APBB2: variants seen among roughly 807,000 people sequenced by gnomAD.
The protein encoded by APBB2 is Fe65-like 1.
A neutral mutation model predicts 82.5 loss-of-function variants in APBB2; 38 were observed. The ratio of observed to expected loss-of-function variants is 0.46; its 90% CI spans 0.36 to 0.60. The LOEUF (loss-of-function observed/expected upper bound fraction) is 0.60, where lower values mean the gene tolerates loss of function less well. Among genes scored for constraint, APBB2 ranks in the 20% least tolerant of loss-of-function variants. The pLI, the probability that APBB2 is intolerant of heterozygous loss-of-function variation, is 0.00. For missense variants in APBB2, 772 were observed against 972.3 expected (o/e 0.79, Z 2.74); for synonymous variants, 341 against 368.2 (o/e 0.93, Z 0.85).
At chr4:41,103,416 G>A (rs1325436738) in intron 2 of APBB2, among the ~76,000 whole-genome samples, 3 of 152,080 alleles carry the variant, frequency 2.0e-5, no homozygotes, top group Non-Finnish European at 4.4e-5. Flanking sequence ...CTTTTAAAGA[G>A]TTCAAGATAG....
At chr4:41,045,145 T>C (rs903160513) in intron 4 of APBB2, among the ~76,000 whole-genome samples, 1 of 152,184 alleles carries the variant, frequency 6.6e-6, no homozygotes, top group African/African-American at 2.4e-5. Flanking sequence ...ATGATTTTTT[T>C]TAATTTCTAA....
At chr4:40,966,540 C>T (rs2154396222) in intron 6 of APBB2, among the ~76,000 whole-genome samples, 1 of 152,340 alleles carries the variant, frequency 6.6e-6, no homozygotes, top group South Asian at 2.1e-4. Flanking sequence ...TCTTGGGGGC[C>T]TAGAAAGCCC....
chr4:41,059,053 G>A (rs1728813569), intron 4 of APBB2, among the ~76,000 whole-genome samples: 1 of 151,886 alleles, frequency 6.6e-6, no homozygotes. Flanking sequence ...GAACCCTGGA[G>A]AACAAAGGGT....
At position 40,944,921 on chromosome 4, in the gene APBB2, C is replaced by G. The variant is rs765041440; in HGVS notation, c.988G>C (p.Gly330Arg). The change falls in exon 7 of 18, where the codon GGT becomes CGT. Residue 330 changes from glycine (G) to arginine (R), a missense_variant. Transcript: ENST00000508593. ...RPVSIPADLQ[G>R]SRKGSLSSVT... ...GAACTAAGTGACCCTTTCCTAGAAC[C>G]CTGGAGATCTGCTGGGATGGAGACG... is the stretch of plus-strand genomic sequence containing the variant. 1.2e-6 allele frequency: 2 copies of G among 1,613,548 alleles called. No individual in the cohort carries two copies. Among genetic ancestry groups the G allele is most frequent in the African/African-American group, 1.3e-5 (1 of 74,854 alleles).
chr4:41,113,049 C>A (rs1470467774), intron 2 of APBB2, among the ~76,000 whole-genome samples: 1 of 151,918 alleles, frequency 6.6e-6, no homozygotes, highest in African/African-American at 2.4e-5. Context: ...TTCAGCTCAA[C>A]AGAAAACAAC....
chr4:41,071,257 TAGAA>T (rs772483499), intron 3 of APBB2, among the ~76,000 whole-genome samples: 8 of 152,250 alleles, frequency 5.3e-5, no homozygotes, highest in Non-Finnish European at 1.2e-4. Flanking sequence ...CAATTTTTAA[TAGAA>T]AGGTGATGTA....
chr4:41,091,548 C>A (rs1164457621), intron 3 of APBB2, among the ~76,000 whole-genome samples: 2 of 152,156 alleles, frequency 1.3e-5, no homozygotes, highest in Non-Finnish European at 2.9e-5. Flanking sequence ...TATACTCTTT[C>A]TTGCATCCCT....
At chr4:40,915,753 G>A (rs111235775) in intron 10 of APBB2, among the ~76,000 whole-genome samples, 2,512 of 152,044 alleles carry the variant, frequency 0.017, 82 homozygotes, top group African/African-American at 0.057. Context: ...GCTGACTCCT[G>A]GGATTCTGCA....
At chr4:41,076,409 G>A (rs1451788831) in intron 3 of APBB2, among the ~76,000 whole-genome samples, 1 of 152,102 alleles carries the variant, frequency 6.6e-6, no homozygotes, top group Non-Finnish European at 1.5e-5. Context: ...GAGAAGATCT[G>A]CACTCGGGGA....
At chr4:40,926,537 C>T (rs779674073) in intron 10 of APBB2, among the ~76,000 whole-genome samples, 38 of 152,176 alleles carry the variant, frequency 2.5e-4, no homozygotes, top group Non-Finnish European at 3.8e-4. Context: ...CCTCTGCCTC[C>T]GCCTGCCAGG....
intron 4 of APBB2, among the ~76,000 whole-genome samples, chr4:41,059,334 G>A (rs1728927307): frequency 6.6e-6 from 1 of 152,256 alleles, no homozygotes. Context: ...GGTGGCAGGC[G>A]CCTGTAATCC....
chr4:41,108,053 C>T (rs1195022632), intron 2 of APBB2, among the ~76,000 whole-genome samples: 1 of 152,106 alleles, frequency 6.6e-6, no homozygotes, highest in African/African-American at 2.4e-5. Context: ...TATCCTTGTG[C>T]TTGAGAAATA....
chr4:41,095,810 C>T (rs1473464085), intron 3 of APBB2, among the ~76,000 whole-genome samples: 3 of 152,170 alleles, frequency 2.0e-5, no homozygotes, highest in Non-Finnish European at 4.4e-5. Flanking sequence ...CACACTACTG[C>T]CCAAGTGATC....
At position 40,930,454 on chromosome 4, in the gene APBB2, C is replaced by A. The variant is rs1313596014; in HGVS notation, c.1254+4002G>T. Among the ~76,000 whole-genome samples the A allele has an allele frequency of 9.3e-3, 966 of 103,482 alleles. 16 individuals are homozygous for A. The highest frequency in any genetic ancestry group is 0.041 in the African/African-American group (920 of 22,424). The allele number at this position is 103,482 out of a possible 152,430, so 67.9% of individuals were successfully genotyped here. ...GTGTGTGTGTGTGTGTGTGTGCGCG[C>A]GCGCGCGCGCGCGTGCGCGTGCGCG... On this transcript the variant is annotated intron_variant, in intron 10 of 17. Coordinates refer to ENST00000508593, the MANE Select transcript of APBB2 (RefSeq NM_004307.2).
At chr4:40,987,030 A>G (rs1239068674) in intron 6 of APBB2, among the ~76,000 whole-genome samples, 3 of 152,224 alleles carry the variant, frequency 2.0e-5, no homozygotes, top group East Asian at 1.9e-4. Flanking sequence ...GCCAAAAATC[A>G]TATCAGTTAA....
intron 5 of APBB2, among the ~76,000 whole-genome samples, chr4:41,019,631 C>A (rs1209709236): frequency 6.6e-6 from 1 of 152,038 alleles, no homozygotes. Context: ...TGAGGGTGCA[C>A]CCTGGGATCT....
At chr4:40,950,482 C>T (rs1044444799) in intron 6 of APBB2, among the ~76,000 whole-genome samples, 3 of 152,130 alleles carry the variant, frequency 2.0e-5, no homozygotes, top group African/African-American at 7.2e-5. Context: ...GAGGTCAAGG[C>T]GGGAGAACTG....
rs1744256515 is a variant in APBB2 at position 40,810,801 on chromosome 4, C to T, written c.*5291G>A. 6.6e-6 allele frequency: 1 copy of T among 152,074 alleles called. No homozygotes were observed. Among genetic ancestry groups the T allele is most frequent in the African/African-American group, 2.4e-5 (1 of 41,406 alleles). 9.4% of individuals were successfully genotyped at this position (152,074 alleles called of 1,614,324 possible). ...CGTGTGGCTCATCCTCTTATCCCACCCAGATTTCTATCTGGTTGGTTAGGG... is the reference window on the plus strand; with the variant it reads ...CGTGTGGCTCATCCTCTTATCCCACTCAGATTTCTATCTGGTTGGTTAGGG... On this transcript the variant is annotated 3_prime_UTR_variant, in exon 18 of 18. Coordinates refer to ENST00000508593, the MANE Select transcript of APBB2 (RefSeq NM_004307.2).
At chr4:41,041,159 T>C (rs541857929) in intron 4 of APBB2, among the ~76,000 whole-genome samples, 31 of 152,280 alleles carry the variant, frequency 2.0e-4, no homozygotes, top group Middle Eastern at 3.4e-3. Flanking sequence ...GGATTACAGG[T>C]GTGATCCACC....
Sources: gnomAD v4.1 joint callset for allele counts (sites outside exome capture counted in the v4.1 genomes callset) on GRCh38, gnomAD v4.1.1 for gene constraint, MANE v1.5 for transcripts, NCBI Gene and HGNC (gene_info 2026-07-23, HGNC 2026-07-21) for gene names.